The following ADGRA3 variants were observed in gnomAD, a reference collection of about 807,000 sequenced individuals.
ADGRA3 encodes the protein adhesion G protein-coupled receptor A3.
Under a neutral mutation model 119.8 loss-of-function variants are expected in ADGRA3, and 56 were observed. The ratio of observed to expected loss-of-function variants is 0.47; its 90% CI spans 0.38 to 0.58. The LOEUF (loss-of-function observed/expected upper bound fraction) is 0.58. Among genes scored for constraint, ADGRA3 ranks in the 20% least tolerant of loss-of-function variants. The probability of loss-of-function intolerance (pLI) is 0.00; values close to 1 mark genes in which losing one functional copy is unlikely to be tolerated. For synonymous variants in ADGRA3, 607 were observed against 623.8 expected, an observed-to-expected ratio of 0.97 and a Z score of 0.40; for missense variants, 1,516 against 1,649.0, an observed-to-expected ratio of 0.92 and a Z score of 1.40.
intron 1 of ADGRA3, among the ~76,000 whole-genome samples, chr4:22,513,939 T>C (rs534130213): frequency 3.7e-5 from 5 of 134,104 alleles, no homozygotes; most frequent in South Asian, 4.6e-4. Context: ...TGTAGAAAAA[T>C]AGTTTAATTG....
intron 1 of ADGRA3, among the ~76,000 whole-genome samples, chr4:22,510,214 C>T (rs553824553): frequency 6.6e-6 from 1 of 152,122 alleles, no homozygotes; most frequent in Non-Finnish European, 1.5e-5. Context: ...AACCCTTCAT[C>T]TGTGCTCCCA....
chr4:22,502,751 CTT>C (rs1719093822), intron 1 of ADGRA3, among the ~76,000 whole-genome samples: 1 of 151,930 alleles, frequency 6.6e-6, no homozygotes, highest in South Asian at 2.1e-4. Context: ...GTGAAAGACA[CTT>C]TTTACTATCA....
At chr4:22,420,820 G>A (rs1715634165) in intron 12 of ADGRA3, 66 bp downstream of exon 12, 2 of 1,466,402 alleles carry the variant, frequency 1.4e-6, no homozygotes, top group Non-Finnish European at 9.5e-7. Flanking sequence ...ATTTTGCGAA[G>A]CAGAACATTT....
intron 10 of ADGRA3, among the ~76,000 whole-genome samples, chr4:22,427,883 G>A (rs1716005145): frequency 6.6e-6 from 1 of 152,160 alleles, no homozygotes; most frequent in Non-Finnish European, 1.5e-5. Context: ...TCTTGCACCT[G>A]TCACACTAAA....
intron 9 of ADGRA3, 89 bp downstream of exon 9, chr4:22,436,351 G>T: frequency 2.2e-6 from 2 of 909,474 alleles, no homozygotes; most frequent in African/African-American, 1.8e-5. Context: ...GTTTTGCCTA[G>T]TATTAAAAAA....
rs1717185437 is a variant in ADGRA3 at position 22,454,863 on chromosome 4, T to TA, written c.473+2dup. 1 of 1,608,834 alleles carries TA rather than the reference T, an allele frequency of 6.2e-7. No homozygotes were observed. The highest frequency in any genetic ancestry group is 8.5e-7 in the Non-Finnish European group (1 of 1,175,286). On this transcript the variant is annotated splice_region_variant and intron_variant, in intron 4 of 18. Transcript: ENST00000334304. Reference sequence around the variant, plus strand: ...TTTAATGGGAAAGAAAAGATATACTTACAGCCGAACCAGATTGGTGAGTCC... The same window carrying TA: ...TTTAATGGGAAAGAAAAGATATACTTAACAGCCGAACCAGATTGGTGAGTCC...
intron 14 of ADGRA3, among the ~76,000 whole-genome samples, chr4:22,403,754 A>G (rs1458745745): frequency 6.6e-6 from 1 of 152,164 alleles, no homozygotes; most frequent in African/African-American, 2.4e-5. Context: ...AAGAAAAATA[A>G]TTTAAAAAAA....
Position 22,435,429 on chromosome 4 carries a change from C to T in ADGRA3, c.1325G>A (p.Arg442Gln), listed in dbSNP as rs758044902. The stretch of plus-strand genomic sequence containing the variant: ...TTCCACAGTGTAAGCCAGTAACTGT[C>T]GAGCTGTTGCCACGGCATTGGTAAG... The part of the protein sequence containing the change: ...LNLTNAVATA[R>Q]QLLAYTVEAA... Residue 442 changes from arginine to glutamine, a missense_variant, in exon 10 of 19, where the codon CGA becomes CAA. Physicochemically the swap from Arg to Gln is conservative, Grantham distance 43 (BLOSUM62 1). Coordinates refer to ENST00000334304, the MANE Select transcript of ADGRA3 (RefSeq NM_145290.4). 6.8e-6 allele frequency: 11 copies of T among 1,607,436 alleles called. No homozygotes were observed. Among genetic ancestry groups the T allele is most frequent in the Admixed American group, 1.7e-5 (1 of 59,972 alleles).
chr4:22,443,124 G>A (rs1008070496), intron 6 of ADGRA3: 4 of 675,516 alleles, frequency 5.9e-6, no homozygotes, highest in African/African-American at 1.8e-5. Context: ...AGTATCAGAT[G>A]ATTACAGAAA....
intron 1 of ADGRA3, among the ~76,000 whole-genome samples, chr4:22,474,747 C>T (rs372256739): frequency 2.6e-5 from 4 of 152,262 alleles, no homozygotes; most frequent in South Asian, 2.1e-4. Flanking sequence ...CTACTCCAAA[C>T]GCCAAGTTCT....
intron 14 of ADGRA3, among the ~76,000 whole-genome samples, chr4:22,412,609 T>C (rs1715252375): frequency 6.6e-6 from 1 of 152,150 alleles, no homozygotes; most frequent in African/African-American, 2.4e-5. Flanking sequence ...AGATAAGAGA[T>C]AAGACTCAAC....
intron 16 of ADGRA3, among the ~76,000 whole-genome samples, chr4:22,395,303 C>T (rs569296915): frequency 5.4e-4 from 82 of 152,202 alleles, no homozygotes; most frequent in Non-Finnish European, 1.1e-3. Flanking sequence ...ACAACCAATA[C>T]GCCTACAGCA....
intron 14 of ADGRA3, among the ~76,000 whole-genome samples, chr4:22,410,140 A>T (rs1715133751): frequency 1.3e-5 from 2 of 152,188 alleles, no homozygotes; most frequent in South Asian, 4.1e-4. Context: ...TAGAAAAAGA[A>T]AATTAATGAA....
Position 22,501,746 on chromosome 4 carries a change from T to C in ADGRA3, c.257+13782A>G, listed in dbSNP as rs980348318. 2.0e-5 allele frequency among the ~76,000 whole-genome samples: 3 copies of C among 150,284 alleles called. No individual in the cohort carries two copies. In the South Asian group the frequency reaches 6.6e-4, roughly 33 times the overall value. On this transcript the variant is annotated intron_variant, in intron 1 of 18. Transcript: ENST00000334304. ...ACAGAACAATTCCAATGTAAAAAGT[T>C]TTATAATCACAAAAAAATGGGAAAA...
chr4:22,388,543 A>G lies in ADGRA3; in HGVS notation c.3128T>C (p.Val1043Ala), dbSNP rs1169394079. 1.9e-6 allele frequency: 3 copies of G among 1,614,120 alleles called. No homozygotes were observed. The African/African-American group carries it at 4.0e-5, about 22-fold the overall frequency. The change falls in exon 19 of 19, where the codon GTG (valine) becomes GCG (alanine). Residue 1043 changes from valine to alanine, a missense_variant. Val to Ala is a moderately conservative substitution (Grantham distance 64). Coordinates refer to ENST00000334304, the MANE Select transcript of ADGRA3 (RefSeq NM_145290.4). Reference sequence around the variant, plus strand: ...CTCCCTATTAACACAATGGTGGACCACGAAGAACGCACTGAAGCTTAAACT... The same window carrying G: ...CTCCCTATTAACACAATGGTGGACCGCGAAGAACGCACTGAAGCTTAAACT... ...ATSLSFSAFFVVHHCVNREDV... is the reference protein window; with the variant it reads ...ATSLSFSAFFAVHHCVNREDV...
chr4:22,462,199 A>C (rs1717491364), intron 2 of ADGRA3, among the ~76,000 whole-genome samples: 1 of 152,206 alleles, frequency 6.6e-6, no homozygotes, highest in Non-Finnish European at 1.5e-5. Flanking sequence ...ATTCAGTTGA[A>C]TTTTAAAAAA....
chr4:22,501,905 G>T (rs559092509), intron 1 of ADGRA3, among the ~76,000 whole-genome samples: 140 of 137,628 alleles, frequency 1.0e-3, no homozygotes, highest in Non-Finnish European at 1.8e-3. Flanking sequence ...TATCCCTGAG[G>T]GAAGAACTCG....
intron 12 of ADGRA3, among the ~76,000 whole-genome samples, chr4:22,417,110 C>G (rs1715460086): frequency 6.6e-6 from 1 of 152,174 alleles, no homozygotes; most frequent in Admixed American, 6.5e-5. Context: ...GCTATAATAT[C>G]TCCTAATTAT....
intron 1 of ADGRA3, among the ~76,000 whole-genome samples, chr4:22,474,771 A>G (rs1168213439): frequency 1.3e-5 from 2 of 152,162 alleles, no homozygotes; most frequent in African/African-American, 4.8e-5. Context: ...ACATACACTA[A>G]TGTTGGTCAC....
Sources: gnomAD v4.1 joint callset for allele counts (sites outside exome capture counted in the v4.1 genomes callset) on GRCh38, gnomAD v4.1.1 for gene constraint, MANE v1.5 for transcripts, NCBI Gene and HGNC (gene_info 2026-07-23, HGNC 2026-07-21) for gene names.